The following SLC39A11 variants were observed in gnomAD, a reference collection of about 807,000 sequenced individuals.
SLC39A11 encodes zinc transporter ZIP11.
A neutral mutation model predicts 36.1 loss-of-function variants in SLC39A11; 33 were observed. That is an observed-to-expected ratio of 0.91 (90% CI 0.69 to 1.22). The LOEUF (loss-of-function observed/expected upper bound fraction) is 1.22, where lower values mean the gene tolerates loss of function less well. SLC39A11 is among the 50% of genes most tolerant of loss of function. The pLI is 0.00. For missense variants in SLC39A11, 432 were observed against 430.3 expected, an observed-to-expected ratio of 1.00 and a Z score of -0.03; for synonymous variants, 166 against 170.3, an observed-to-expected ratio of 0.97 and a Z score of 0.20.
At chr17:73,068,133 T>TC in intron 3 of SLC39A11, 1 of 1,347,264 alleles carries the variant, frequency 7.4e-7, no homozygotes, top group Non-Finnish European at 1.1e-6. Flanking sequence ...TCAATTTTTT[T>TC]CTTGGTGTCG....
At chr17:72,737,304 A>G (rs2074473205) in intron 6 of SLC39A11, among the ~76,000 whole-genome samples, 1 of 152,114 alleles carries the variant, frequency 6.6e-6, no homozygotes, top group East Asian at 1.9e-4. Flanking sequence ...ATAAATTTAT[A>G]TAAAATTCAA....
At chr17:72,923,911 G>A (rs2083859799) in intron 5 of SLC39A11, among the ~76,000 whole-genome samples, 2 of 152,092 alleles carry the variant, frequency 1.3e-5, no homozygotes, top group South Asian at 4.1e-4. Context: ...CTGGGAGGCT[G>A]AGGCGGGCTG....
At chr17:72,907,207 G>C (rs143755862) in intron 5 of SLC39A11, among the ~76,000 whole-genome samples, 1 of 152,158 alleles carries the variant, frequency 6.6e-6, no homozygotes, top group South Asian at 2.1e-4. Context: ...AATGAGTCAC[G>C]CGCTGGGTGC....
At chr17:72,826,854 T>C (rs368547377) in intron 6 of SLC39A11, among the ~76,000 whole-genome samples, 22 of 152,046 alleles carry the variant, frequency 1.4e-4, no homozygotes, top group African/African-American at 3.1e-4. Context: ...TAATAACAAG[T>C]GTTGGTGAAG....
chr17:72,716,636 A>G (rs969498778), intron 7 of SLC39A11, among the ~76,000 whole-genome samples: 5 of 152,046 alleles, frequency 3.3e-5, no homozygotes, highest in African/African-American at 1.2e-4. Context: ...AGGGATGGGG[A>G]ACACACATGC....
intron 5 of SLC39A11, among the ~76,000 whole-genome samples, chr17:72,865,437 G>T (rs1481482962): frequency 6.6e-6 from 1 of 150,746 alleles, no homozygotes; most frequent in East Asian, 1.9e-4. Context: ...ACAACTTTGG[G>T]CCTACACCTT....
At chr17:72,916,750 T>C (rs1333913331) in intron 5 of SLC39A11, among the ~76,000 whole-genome samples, 2 of 152,026 alleles carry the variant, frequency 1.3e-5, no homozygotes, top group Non-Finnish European at 2.9e-5. Context: ...CTATTCCTCT[T>C]TACCAGGCAA....
intron 6 of SLC39A11, among the ~76,000 whole-genome samples, chr17:72,781,574 C>T (rs1413637987): frequency 6.6e-6 from 1 of 152,144 alleles, no homozygotes; most frequent in Non-Finnish European, 1.5e-5. Context: ...CAGGCACCCG[C>T]CACCATGCCC....
chr17:72,949,271 C>G (rs2085687715), intron 4 of SLC39A11, among the ~76,000 whole-genome samples: 1 of 148,620 alleles, frequency 6.7e-6, no homozygotes, highest in Admixed American at 6.9e-5. Context: ...AGCAATTCTC[C>G]TGCCTCAGCC....
intron 7 of SLC39A11, 80 bp from the exon 8 acceptor site, chr17:72,649,348 A>C (rs2069737267): frequency 2.3e-6 from 3 of 1,300,012 alleles, no homozygotes; most frequent in Non-Finnish European, 3.2e-6. Context: ...CGAGGCCAAG[A>C]CCTCCGTGGG....
chr17:72,962,586 G>C (rs554594492), intron 4 of SLC39A11, among the ~76,000 whole-genome samples: 1 of 152,066 alleles, frequency 6.6e-6, no homozygotes, highest in Non-Finnish European at 1.5e-5. Flanking sequence ...GCCCAGGCTG[G>C]AGTACAGTGG....
chr17:72,799,972 G>T (rs911447168), intron 6 of SLC39A11, among the ~76,000 whole-genome samples: 2 of 151,828 alleles, frequency 1.3e-5, no homozygotes, highest in Non-Finnish European at 2.9e-5. Context: ...CGGGCATCAC[G>T]GTCCTACTGA....
intron 5 of SLC39A11, among the ~76,000 whole-genome samples, chr17:72,946,138 A>C (rs1030754208): frequency 6.6e-6 from 1 of 152,222 alleles, no homozygotes; most frequent in Admixed American, 6.5e-5. Flanking sequence ...ACAGTGCTCT[A>C]CTGTGTCACC....
At chr17:73,017,353 G>C (rs985170504) in intron 4 of SLC39A11, among the ~76,000 whole-genome samples, 6 of 152,156 alleles carry the variant, frequency 3.9e-5, no homozygotes, top group African/African-American at 9.7e-5. Flanking sequence ...CTGAACACTG[G>C]GGGCAGGTAG....
At chr17:72,905,943 T>C (rs753476637) in intron 5 of SLC39A11, among the ~76,000 whole-genome samples, 3 of 152,028 alleles carry the variant, frequency 2.0e-5, no homozygotes, top group African/African-American at 4.8e-5. Flanking sequence ...TTAGTAGAGA[T>C]GGGGTTTCAC....
intron 7 of SLC39A11, among the ~76,000 whole-genome samples, chr17:72,694,464 C>T (rs753218569): frequency 2.6e-5 from 4 of 152,226 alleles, no homozygotes; most frequent in African/African-American, 7.2e-5. Context: ...TCAGACATCA[C>T]GATACCCGGA....
intron 6 of SLC39A11, among the ~76,000 whole-genome samples, chr17:72,808,975 T>A (rs370451697): frequency 6.6e-6 from 1 of 152,218 alleles, no homozygotes; most frequent in East Asian, 1.9e-4. Context: ...CACTTGGCTG[T>A]CCTTATGTTA....
chr17:72,863,188 G>C (rs2080131982), intron 5 of SLC39A11, among the ~76,000 whole-genome samples: 2 of 152,298 alleles, frequency 1.3e-5, no homozygotes, highest in Admixed American at 1.3e-4. Flanking sequence ...TAACTGTTTA[G>C]TGGGGATCTT....
chr17:72,807,251 CT>C (rs1176691909), intron 6 of SLC39A11, among the ~76,000 whole-genome samples: 1 of 152,110 alleles, frequency 6.6e-6, no homozygotes, highest in Admixed American at 6.5e-5. Flanking sequence ...ATTTTTCTGT[CT>C]TTATCTTTCA....
Sources: allele counts gnomAD v4.1 joint callset (sites outside exome capture counted in the v4.1 genomes callset), GRCh38; gene constraint gnomAD v4.1.1; transcripts MANE v1.5; gene names NCBI Gene and HGNC (gene_info 2026-07-23, HGNC 2026-07-21).